Variants in PCDHA1 observed in about 807,000 individuals in gnomAD.
PCDHA1 encodes the protein protocadherin alpha-1.
Under a neutral mutation model 61.3 loss-of-function variants are expected in PCDHA1, and 42 were observed. The observed-to-expected ratio is 0.69, with a 90% CI of 0.54 to 0.89. The LOEUF is 0.89. PCDHA1 is among the 40% of genes least tolerant of loss of function. The probability of loss-of-function intolerance (pLI) is 0.00; values close to 1 mark genes in which losing one functional copy is unlikely to be tolerated. For missense variants in PCDHA1, 1,256 were observed against 1,235.3 expected (o/e 1.02, Z -0.25); for synonymous variants, 610 against 553.8 (o/e 1.10, Z -1.43).
Position 140,808,807 on chromosome 5 carries a change from C to G in PCDHA1, c.2394+20123C>G, listed in dbSNP as rs7707144. ...AGTTTCAGGTGACCGCTCGCGATGC[C>G]GGCGTGCCACCTCTGGGCAGCAACG... is the stretch of plus-strand genomic sequence containing the variant. On this transcript the variant is annotated intron_variant, in intron 1 of 3. Transcript: ENST00000504120. The G allele has an allele frequency of 9.9e-3, 16,035 of 1,612,652 alleles. 1,348 individuals carry two copies. In the African/African-American group the frequency reaches 0.19, roughly 19 times the overall value.
chr5:140,876,807 G>A (rs782408048), intron 1 of PCDHA1: 1 of 1,614,234 alleles, frequency 6.2e-7, no homozygotes, highest in South Asian at 1.1e-5. Context: ...CCGTGGAGGT[G>A]GCCGACGTGA....
chr5:141,010,296 G>C lies in PCDHA1; in HGVS notation c.*359G>C. On this transcript the variant is annotated 3_prime_UTR_variant, in exon 4 of 4. Transcript: ENST00000504120. ...CTGTCTTGATGACACTTGCAGGGCA[G>C]GCTGAAAAGTTTTGAGATTGAGCAG... The C allele has an allele frequency of 1.3e-6, 2 of 1,549,428 alleles. No individual in the cohort carries two copies. The highest frequency in any genetic ancestry group is 1.7e-6 in the Non-Finnish European group (2 of 1,146,352).
chr5:140,938,065 C>A (rs2091903151), intron 1 of PCDHA1, among the ~76,000 whole-genome samples: 1 of 152,094 alleles, frequency 6.6e-6, no homozygotes, highest in Admixed American at 6.5e-5. Context: ...TACTGTCATG[C>A]TATTCCCAAA....
chr5:140,958,454 T>G (rs2095424871), intron 1 of PCDHA1, among the ~76,000 whole-genome samples: 1 of 152,168 alleles, frequency 6.6e-6, no homozygotes, highest in African/African-American at 2.4e-5. Flanking sequence ...CCTTTTATTC[T>G]TCAACTTCTG....
At chr5:141,000,939 A>G (rs551872377) in intron 3 of PCDHA1, among the ~76,000 whole-genome samples, 2 of 152,294 alleles carry the variant, frequency 1.3e-5, no homozygotes, top group East Asian at 3.9e-4. Context: ...ATTTAGGACA[A>G]ATTATCTTGC....
At chr5:140,842,728 G>T in intron 1 of PCDHA1, 2 of 1,595,050 alleles carry the variant, frequency 1.3e-6, no homozygotes, top group Non-Finnish European at 1.7e-6. Context: ...AGAACAACCC[G>T]CCGGGCTGCC....
chr5:140,797,159 G>C, intron 1 of PCDHA1: 1 of 1,613,998 alleles, frequency 6.2e-7, no homozygotes, highest in Non-Finnish European at 8.5e-7. Flanking sequence ...GAGGGTGCGC[G>C]CGCGCCAGGA....
In PCDHA1 at chr5:140,788,437, TGCTGTACACGGC is replaced by T; in HGVS notation, c.2152_2163del (p.Tyr718_Leu721del). The stretch of plus-strand genomic sequence containing the variant: ...TCCAGCCTGCTGGTGCTCACACTGC[TGCTGTACACGGC>T]GCTGCGGTGCTCAGTGCCGCCCACT... On this transcript the variant is annotated inframe_deletion, in exon 1 of 4. Transcript: ENST00000504120. 1 of 1,614,110 alleles carries T rather than the reference TGCTGTACACGGC, an allele frequency of 6.2e-7. No homozygotes were observed. The highest frequency in any genetic ancestry group is 8.5e-7 in the Non-Finnish European group (1 of 1,179,982).
At chr5:140,988,058 A>G (rs2097280755) in intron 3 of PCDHA1, among the ~76,000 whole-genome samples, 1 of 152,200 alleles carries the variant, frequency 6.6e-6, no homozygotes, top group African/African-American at 2.4e-5. Flanking sequence ...CACTGTCAAC[A>G]TGAATTTTTC....
intron 1 of PCDHA1, chr5:140,796,547 T>C: frequency 6.2e-7 from 1 of 1,612,990 alleles, no homozygotes. Flanking sequence ...CACGAGGAAG[T>C]GGAGCTGCTG....
rs782049838 is a variant in PCDHA1 at position 140,788,424 on chromosome 5, G to C, written c.2134G>C (p.Val712Leu). Residue 712 changes from valine (V) to leucine (L), a missense_variant, in exon 1 of 4, where the codon GTG (valine) becomes CTG (leucine). By Grantham distance (32) the Val-to-Leu change is conservative. Transcript: ENST00000504120. ...CATCTGCGCGGTGTCCAGCCTGCTG[G>C]TGCTCACACTGCTGCTGTACACGGC... ...IAICAVSSLL[V>L]LTLLLYTALR... 5.6e-6 allele frequency: 9 copies of C among 1,614,118 alleles called. No homozygotes were observed. In the Admixed American group the frequency reaches 6.7e-5, roughly 12 times the overall value.
At chr5:140,983,018 A>T (rs2097022598) in intron 3 of PCDHA1, among the ~76,000 whole-genome samples, 1 of 152,096 alleles carries the variant, frequency 6.6e-6, no homozygotes, top group African/African-American at 2.4e-5. Flanking sequence ...GGAAGGAAGG[A>T]AGGAAGATGG....
chr5:140,849,804 G>A, intron 1 of PCDHA1: 2 of 1,598,448 alleles, frequency 1.3e-6, no homozygotes, highest in South Asian at 1.1e-5. Flanking sequence ...TTCACTGTGG[G>A]CCACGGCCAG....
chr5:140,836,602 T>C lies in PCDHA1; in HGVS notation c.2394+47918T>C, dbSNP rs2150265229. The C allele has an allele frequency of 3.1e-6, 5 of 1,613,586 alleles. No individual in the cohort carries two copies. The Admixed American group carries it at 5.0e-5, about 16-fold the overall frequency. On this transcript the variant is annotated intron_variant, in intron 1 of 3. Coordinates refer to ENST00000504120, the MANE Select transcript of PCDHA1 (RefSeq NM_018900.4). ...TGTAGTTTGGTAAAGCCCACTCTGGTGTGCTCCAGCGCGGTGGGGAGCTGG... is the reference window on the plus strand; with the variant it reads ...TGTAGTTTGGTAAAGCCCACTCTGGCGTGCTCCAGCGCGGTGGGGAGCTGG...
chr5:140,923,551 T>C (rs1398661049), intron 1 of PCDHA1, among the ~76,000 whole-genome samples: 1 of 152,146 alleles, frequency 6.6e-6, no homozygotes, highest in Non-Finnish European at 1.5e-5. Flanking sequence ...AAATGAAATA[T>C]CAGCAATGAA....
chr5:141,005,489 G>A (rs1336877426), intron 3 of PCDHA1, among the ~76,000 whole-genome samples: 3 of 151,788 alleles, frequency 2.0e-5, no homozygotes, highest in Non-Finnish European at 4.4e-5. Context: ...GGATCATGAG[G>A]TCAGGAGATC....
intron 1 of PCDHA1, chr5:140,822,062 G>T (rs997674203): frequency 3.1e-6 from 5 of 1,614,086 alleles, no homozygotes; most frequent in East Asian, 2.2e-5. Context: ...GAGCTGTGCC[G>T]GCGGAGGGCG....
intron 1 of PCDHA1, chr5:140,811,754 T>C (rs1241083034): frequency 6.6e-6 from 1 of 152,384 alleles, no homozygotes; most frequent in East Asian, 1.9e-4. Flanking sequence ...TGACCAGTGA[T>C]GATGGGCATT....
chr5:140,967,003 C>T, intron 1 of PCDHA1: 1 of 1,605,342 alleles, frequency 6.2e-7, no homozygotes, highest in South Asian at 1.1e-5. Context: ...GCTTGCGCAT[C>T]AACCATCTGG....
Sources: allele counts gnomAD v4.1 joint callset (sites outside exome capture counted in the v4.1 genomes callset), GRCh38; gene constraint gnomAD v4.1.1; transcripts MANE v1.5; gene names NCBI Gene and HGNC (gene_info 2026-07-23, HGNC 2026-07-21).